Variants in BCAS1 observed in about 807,000 individuals in gnomAD.
BCAS1 encodes breast carcinoma-amplified sequence 1.
BCAS1 carries 46 observed loss-of-function variants against 65.4 expected under a neutral mutation model. The ratio of observed to expected loss-of-function variants is 0.70; its 90% CI spans 0.55 to 0.90. BCAS1 has a LOEUF of 0.90. Ranked by LOEUF, BCAS1 falls within the 40% of genes least tolerant of loss-of-function variation. The pLI, the probability that BCAS1 is intolerant of heterozygous loss-of-function variation, is 0.00. For synonymous variants in BCAS1, 298 were observed against 293.5 expected, an observed-to-expected ratio of 1.02 and a Z score of -0.16; for missense variants, 793 against 771.2, an observed-to-expected ratio of 1.03 and a Z score of -0.33.
chr20:53,969,500 G>A (rs1337375222), intron 9 of BCAS1, among the ~76,000 whole-genome samples: 1 of 152,084 alleles, frequency 6.6e-6, no homozygotes, highest in Non-Finnish European at 1.5e-5. Flanking sequence ...GATAAAGAGT[G>A]AACAATTGAA....
intron 4 of BCAS1, among the ~76,000 whole-genome samples, chr20:54,005,766 G>C (rs1201710078): frequency 6.6e-6 from 1 of 152,198 alleles, no homozygotes; most frequent in African/African-American, 2.4e-5. Context: ...ATGGAGCATA[G>C]GTTGCAAGTA....
chr20:54,020,238 G>C (rs958902532), intron 4 of BCAS1, among the ~76,000 whole-genome samples: 3 of 152,108 alleles, frequency 2.0e-5, no homozygotes, highest in African/African-American at 7.2e-5. Context: ...TAGTAAACTT[G>C]ATAAGTTATA....
chr20:53,953,588 C>T lies in BCAS1; in HGVS notation c.1659G>A (p.Glu553=). 6.2e-7 allele frequency: 1 copy of T among 1,613,914 alleles called. No homozygotes were observed. Among genetic ancestry groups the T allele is most frequent in the Non-Finnish European group, 8.5e-7 (1 of 1,179,982 alleles). ...GCTTGTTGCTCTTCTGCTTGTTCAT[C>T]TCGGCTGCTGACTTCTTGTCCTTCG... The part of the protein sequence containing the change: ...GSSKDKKSAA[E]MNKQKSNKQE... The change falls in exon 12 of 13, where the codon GAG becomes GAA. Residue 553 remains glutamate (E), a synonymous_variant. Transcript: ENST00000688948.
intron 1 of BCAS1, among the ~76,000 whole-genome samples, chr20:54,062,769 A>C (rs2092391627): frequency 6.6e-6 from 1 of 152,228 alleles, no homozygotes; most frequent in Non-Finnish European, 1.5e-5. Context: ...GGGCCCTGAA[A>C]GAAGGAAAAT....
chr20:54,058,491 T>C (rs942374947), intron 2 of BCAS1, among the ~76,000 whole-genome samples, 156 bp downstream of exon 2: 3 of 152,106 alleles, frequency 2.0e-5, no homozygotes, highest in Non-Finnish European at 4.4e-5. Context: ...ATGCTGATTC[T>C]GACACCTTTT....
intron 4 of BCAS1, among the ~76,000 whole-genome samples, chr20:54,016,663 A>G (rs955669231): frequency 1.3e-5 from 2 of 152,250 alleles, no homozygotes; most frequent in African/African-American, 4.8e-5. Context: ...TTGATTAAGA[A>G]ATTATCTAAG....
intron 9 of BCAS1, among the ~76,000 whole-genome samples, chr20:53,969,606 T>G (rs1423486289): frequency 3.3e-5 from 5 of 152,186 alleles, no homozygotes; most frequent in African/African-American, 9.7e-5. Flanking sequence ...GCTTAACCAA[T>G]GAAAACATGG....
At chr20:54,007,029 CAGT>C (rs1274063109) in intron 4 of BCAS1, among the ~76,000 whole-genome samples, 4 of 152,158 alleles carry the variant, frequency 2.6e-5, no homozygotes, top group Non-Finnish European at 5.9e-5. Flanking sequence ...GCTACTTAGA[CAGT>C]AGGCAAGGTT....
intron 9 of BCAS1, 113 bp from the exon 10 acceptor site, chr20:53,967,186 G>C (rs1324771296): frequency 1.2e-5 from 13 of 1,088,120 alleles, no homozygotes; most frequent in Non-Finnish European, 1.7e-5. Context: ...CTACAGTTTT[G>C]AATCTATGAC....
chr20:54,018,174 C>T (rs2091479345), intron 4 of BCAS1, among the ~76,000 whole-genome samples: 2 of 152,278 alleles, frequency 1.3e-5, no homozygotes, highest in Admixed American at 6.5e-5. Flanking sequence ...TTTTCACTCT[C>T]CTGTCTACTT....
intron 8 of BCAS1, 114 bp downstream of exon 8, chr20:53,985,173 A>G: frequency 1.9e-6 from 2 of 1,029,420 alleles, no homozygotes; most frequent in Non-Finnish European, 2.9e-6. Flanking sequence ...AGTCATTTTG[A>G]AGAAGAAGAA....
chr20:53,996,738 A>AT (rs1337414175), intron 4 of BCAS1, among the ~76,000 whole-genome samples: 2 of 151,976 alleles, frequency 1.3e-5, no homozygotes, highest in Admixed American at 1.3e-4. Context: ...GACCCTCACA[A>AT]TACATTCTTT....
rs140801361 is a variant in BCAS1 at position 54,068,038 on chromosome 20, C to T, written c.-6+2395G>A. Among the ~76,000 whole-genome samples the T allele has an allele frequency of 1.1e-4, 16 of 152,304 alleles. No individual in the cohort carries two copies. In the East Asian group the frequency reaches 2.1e-3, roughly 20 times the overall value. ...GTGTGCCCGCACAGTGCTAGGAACA[C>T]GGCAGCTATTATCAGGAGTGCCAGG... On this transcript the variant is annotated intron_variant, in intron 1 of 12. Coordinates refer to ENST00000688948, the MANE Select transcript of BCAS1 (RefSeq NM_001366298.2).
At chr20:54,029,260 T>G (rs2091749534) in intron 3 of BCAS1, 1 of 982,684 alleles carries the variant, frequency 1.0e-6, no homozygotes, top group Non-Finnish European at 1.2e-6. Context: ...TTCTTTTATC[T>G]GTGTAAGAAC....
Position 54,012,141 on chromosome 20 carries a change from T to G in BCAS1, c.724-16091A>C, listed in dbSNP as rs79795601. On this transcript the variant is annotated intron_variant, in intron 4 of 12. Transcript: ENST00000688948. The stretch of plus-strand genomic sequence containing the variant: ...TTATGCTGAAGGGGAAAAAAGCCTA[T>G]GTAAAAAAGGGTACCCACTGTATGA... Among the ~76,000 whole-genome samples the G allele has an allele frequency of 9.2e-3, 1,396 of 152,182 alleles. 28 individuals carry two copies. Among genetic ancestry groups the G allele is most frequent in the African/African-American group, 0.032 (1,309 of 41,506 alleles).
chr20:54,018,171 T>C (rs1212976693), intron 4 of BCAS1, among the ~76,000 whole-genome samples: 1 of 152,172 alleles, frequency 6.6e-6, no homozygotes, highest in African/African-American at 2.4e-5. Context: ...TGATTTTCAC[T>C]CTCCTGTCTA....
intron 1 of BCAS1, among the ~76,000 whole-genome samples, chr20:54,069,296 T>C (rs1447297033): frequency 6.6e-6 from 1 of 152,200 alleles, no homozygotes; most frequent in African/African-American, 2.4e-5. Flanking sequence ...ATGAATAGTA[T>C]TTTAACATGA....
chr20:54,064,976 G>T (rs142949954), intron 1 of BCAS1, among the ~76,000 whole-genome samples: 1 of 152,268 alleles, frequency 6.6e-6, no homozygotes, highest in South Asian at 2.1e-4. Flanking sequence ...TCGTGGTACC[G>T]TGCGAAGGGG....
At position 53,957,511 on chromosome 20, in the gene BCAS1, C is replaced by T; in HGVS notation, c.1486-14G>A. The T allele has an allele frequency of 6.2e-7, 1 of 1,611,616 alleles. No homozygotes were observed. Among genetic ancestry groups the T allele is most frequent in the Non-Finnish European group, 8.5e-7 (1 of 1,177,716 alleles). On this transcript the variant is annotated splice_polypyrimidine_tract_variant and intron_variant, in intron 10 of 12. Coordinates refer to ENST00000688948, the MANE Select transcript of BCAS1 (RefSeq NM_001366298.2). ...CCCTTTCACTGACTAAAATAACAAA[C>T]AGACAATGGCCTTCAGCCACAAGTA...
Sources: gnomAD v4.1 joint callset for allele counts (sites outside exome capture counted in the v4.1 genomes callset) on GRCh38, gnomAD v4.1.1 for gene constraint, MANE v1.5 for transcripts, NCBI Gene and HGNC (gene_info 2026-07-23, HGNC 2026-07-21) for gene names.